Variants in GABRA3 observed in about 807,000 individuals in gnomAD.
The protein encoded by GABRA3 is gamma-aminobutyric acid type A receptor subunit alpha3, also known as gamma-aminobutyric acid receptor subunit alpha-3.
GABRA3 carries 10 observed loss-of-function variants against 30.1 expected under a neutral mutation model. The ratio of observed to expected loss-of-function variants is 0.33; its 90% CI spans 0.20 to 0.56. The LOEUF (loss-of-function observed/expected upper bound fraction) is 0.56, where lower values mean the gene tolerates loss of function less well. Among genes scored for constraint, GABRA3 ranks in the 20% least tolerant of loss-of-function variants. The pLI is 0.89. For synonymous variants in GABRA3, 151 were observed against 146.8 expected, an observed-to-expected ratio of 1.03 and a Z score of -0.21; for missense variants, 233 against 392.0, an observed-to-expected ratio of 0.59 and a Z score of 3.42.
At chrX:152,414,847 T>C (rs2124532675) in intron 1 of GABRA3, among the ~76,000 whole-genome samples, 1 of 55,195 alleles carries the variant, frequency 1.8e-5, no homozygotes, top group South Asian at 1.2e-3. Flanking sequence ...AAATGAGCTA[T>C]CGAACCACCA....
chrX:152,369,165 T>C lies in GABRA3; in HGVS notation c.-26-4569A>G, dbSNP rs141349914. On this transcript the variant is annotated intron_variant, in intron 1 of 9. Coordinates refer to ENST00000370314, the MANE Select transcript of GABRA3 (RefSeq NM_000808.4). ...CCAGTCTAACAGGTGTGAGGTGATTTACATTTCCTTTAAGATTAGTGATAT... is the reference window on the plus strand; with the variant it reads ...CCAGTCTAACAGGTGTGAGGTGATTCACATTTCCTTTAAGATTAGTGATAT... 9.3e-3 allele frequency among the ~76,000 whole-genome samples: 1,035 copies of C among 111,014 alleles called. 8 individuals carry two copies. Among genetic ancestry groups the C allele is most frequent in the African/African-American group, 0.031 (941 of 30,481 alleles).
intron 1 of GABRA3, among the ~76,000 whole-genome samples, chrX:152,401,137 G>GT (rs1402374752): frequency 1.8e-5 from 2 of 110,832 alleles, no homozygotes; most frequent in African/African-American, 3.3e-5. Flanking sequence ...TAAAACGTGT[G>GT]TTTTTTTAAA....
At chrX:152,310,541 T>C (rs1939782974) in intron 3 of GABRA3, among the ~76,000 whole-genome samples, 1 of 111,269 alleles carries the variant, frequency 9.0e-6, no homozygotes, top group Non-Finnish European at 1.9e-5. Flanking sequence ...CACCAGAATC[T>C]CCAGGACACA....
intron 3 of GABRA3, among the ~76,000 whole-genome samples, chrX:152,340,069 TTC>T (rs1940292439): frequency 8.9e-6 from 1 of 112,153 alleles, no homozygotes; most frequent in African/African-American, 3.2e-5. Context: ...GCTATTTGTT[TTC>T]TGTTTGTTTC....
In GABRA3 at chrX:152,263,265, G is replaced by C. The variant is rs186009761; in HGVS notation, c.331-7267C>G. On this transcript the variant is annotated intron_variant, in intron 4 of 9. Transcript: ENST00000370314. Reference sequence around the variant, plus strand: ...ACCAGGGAACAAACCTGGAGAAAGAGATATGTGACCTTTCAGAGAGATAAT... The same window carrying C: ...ACCAGGGAACAAACCTGGAGAAAGACATATGTGACCTTTCAGAGAGATAAT... Among the ~76,000 whole-genome samples, 507 of 111,047 alleles carry C rather than the reference G, an allele frequency of 4.6e-3. 2 individuals carry two copies. Among genetic ancestry groups the C allele is most frequent in the Non-Finnish European group, 7.7e-3 (406 of 53,040 alleles).
chrX:152,431,586 T>G (rs1385779528), intron 1 of GABRA3, among the ~76,000 whole-genome samples: 4 of 112,306 alleles, frequency 3.6e-5, no homozygotes, highest in Admixed American at 9.4e-5. Context: ...GTTATGCTAC[T>G]GGACAAAAAG....
intron 1 of GABRA3, among the ~76,000 whole-genome samples, chrX:152,375,311 T>C (rs1276170778): frequency 9.4e-6 from 1 of 106,732 alleles, no homozygotes; most frequent in African/African-American, 3.7e-5. Context: ...ATAATATATC[T>C]ATCATAGTTA....
chrX:152,443,705 T>C (rs1602733664), intron 1 of GABRA3, among the ~76,000 whole-genome samples: 1 of 110,401 alleles, frequency 9.1e-6, no homozygotes, highest in African/African-American at 3.3e-5. Flanking sequence ...GAAGAGTGAG[T>C]GTTGGAAAAG....
rs373764057 is a variant in GABRA3, at chrX:152,428,951, T to A, written c.-27+22195A>T. Among the ~76,000 whole-genome samples the A allele has an allele frequency of 1.3e-4, 14 of 111,298 alleles. No homozygotes were observed. The South Asian group carries it at 5.4e-3, about 43-fold the overall frequency. ...GAAAATGAAGAATGCACTTAATGGG[T>A]CACCAATGTGGAAAGCAAAGAAAGA... On this transcript the variant is annotated intron_variant, in intron 1 of 9. Transcript: ENST00000370314.
intron 5 of GABRA3, among the ~76,000 whole-genome samples, chrX:152,243,406 C>T (rs951231969): frequency 1.3e-4 from 14 of 111,474 alleles, no homozygotes; most frequent in Non-Finnish European, 2.6e-4. Flanking sequence ...TTAGCTATTC[C>T]CCAATGCATA....
At chrX:152,434,668 A>G (rs1018180466) in intron 1 of GABRA3, among the ~76,000 whole-genome samples, 1 of 112,258 alleles carries the variant, frequency 8.9e-6, no homozygotes, top group Admixed American at 9.5e-5. Context: ...GCCGAGATAT[A>G]TATAACAAGA....
At chrX:152,425,892 A>T (rs748231781) in intron 1 of GABRA3, among the ~76,000 whole-genome samples, 1 of 111,106 alleles carries the variant, frequency 9.0e-6, no homozygotes, top group East Asian at 2.8e-4. Context: ...TTTGCATGGC[A>T]GGCTCCTTTT....
At chrX:152,305,315 C>T (rs1219855352) in intron 3 of GABRA3, among the ~76,000 whole-genome samples, 8 of 110,080 alleles carry the variant, frequency 7.3e-5, no homozygotes, top group African/African-American at 2.6e-4. Context: ...CTATTGGGTA[C>T]TATGCTCACT....
chrX:152,359,651 T>C (rs1928424822), intron 2 of GABRA3, among the ~76,000 whole-genome samples: 1 of 111,170 alleles, frequency 9.0e-6, no homozygotes, highest in African/African-American at 3.3e-5. Context: ...CATTAGGTTG[T>C]TAATTTGAGA....
intron 2 of GABRA3, among the ~76,000 whole-genome samples, chrX:152,354,597 C>G (rs1254603237): frequency 9.0e-6 from 1 of 111,500 alleles, no homozygotes; most frequent in Non-Finnish European, 1.9e-5. Context: ...TATCTGAAAG[C>G]CACTATGTGG....
intron 6 of GABRA3, among the ~76,000 whole-genome samples, chrX:152,218,673 A>C (rs1937773038): frequency 9.0e-6 from 1 of 111,003 alleles, no homozygotes; most frequent in African/African-American, 3.3e-5. Flanking sequence ...TAATTGTTAT[A>C]CTTTTTTCTG....
chrX:152,350,733 A>G (rs1940467046), intron 2 of GABRA3, among the ~76,000 whole-genome samples: 2 of 111,701 alleles, frequency 1.8e-5, no homozygotes, highest in Admixed American at 9.5e-5. Context: ...AATCCTTTCC[A>G]GAAGGTTTTC....
chrX:152,342,609 A>G (rs1940331701), intron 3 of GABRA3, among the ~76,000 whole-genome samples: 1 of 110,898 alleles, frequency 9.0e-6, no homozygotes, highest in African/African-American at 3.3e-5. Flanking sequence ...TTTCCAGAAA[A>G]TTTTCTCAAA....
At chrX:152,406,268 A>G in intron 1 of GABRA3, among the ~76,000 whole-genome samples, 1 of 111,058 alleles carries the variant, frequency 9.0e-6, no homozygotes, top group Non-Finnish European at 1.9e-5. Flanking sequence ...AAATTTTCCA[A>G]TAAAAGATAT....
Sources: gnomAD v4.1 joint callset for allele counts (sites outside exome capture counted in the v4.1 genomes callset) on GRCh38, gnomAD v4.1.1 for gene constraint, MANE v1.5 for transcripts, NCBI Gene and HGNC (gene_info 2026-07-23, HGNC 2026-07-21) for gene names.